SLC24A2: variants seen among roughly 807,000 people sequenced by gnomAD.
SLC24A2 encodes sodium/potassium/calcium exchanger 2.
Under a neutral mutation model 62.0 loss-of-function variants are expected in SLC24A2, and 36 were observed. The ratio of observed to expected loss-of-function variants is 0.58; its 90% confidence interval spans 0.44 to 0.77. The LOEUF is 0.77. Among genes scored for constraint, SLC24A2 ranks in the 30% least tolerant of loss-of-function variants. The pLI is 0.00. For missense variants in SLC24A2, 846 were observed against 817.9 expected, an observed-to-expected ratio of 1.03 and a Z score of -0.42; for synonymous variants, 358 against 294.0, an observed-to-expected ratio of 1.22 and a Z score of -2.23.
chr9:19,650,725 C>T (rs972810604), intron 2 of SLC24A2, among the ~76,000 whole-genome samples: 7 of 29,910 alleles, frequency 2.3e-4, no homozygotes, highest in Non-Finnish European at 4.1e-4. Context: ...GGCACGCGCA[C>T]ACACACACAC....
At chr9:20,263,733 G>A in the SLC24A2 span, among the ~76,000 whole-genome samples, 1 of 152,034 alleles carries the variant, frequency 6.6e-6, no homozygotes, top group Non-Finnish European at 1.5e-5. Context: ...CCTATAGTAT[G>A]TGTTCCTTTT....
At chr9:19,867,777 G>C in the SLC24A2 span, among the ~76,000 whole-genome samples, 1 of 152,086 alleles carries the variant, frequency 6.6e-6, no homozygotes, top group Non-Finnish European at 1.5e-5. Context: ...GCGTGGTGTT[G>C]CACGCCTGTA....
chr9:19,788,646 G>A, intron 1 of SLC24A2: 1 of 985,430 alleles, frequency 1.0e-6, no homozygotes, highest in Non-Finnish European at 1.2e-6. Flanking sequence ...CCCGACGGCA[G>A]GCCCTGCCCC....
the SLC24A2 span, among the ~76,000 whole-genome samples, chr9:20,012,353 G>A: frequency 2.6e-5 from 4 of 152,158 alleles, no homozygotes; most frequent in African/African-American, 7.2e-5. Flanking sequence ...ATCAGATCTC[G>A]TGAGTCTTAT....
At chr9:20,010,379 T>C in the SLC24A2 span, among the ~76,000 whole-genome samples, 7 of 152,182 alleles carry the variant, frequency 4.6e-5, no homozygotes, top group African/African-American at 1.4e-4. Flanking sequence ...AAGAAACTAA[T>C]AAAGCTCTGC....
intron 2 of SLC24A2, among the ~76,000 whole-genome samples, chr9:19,730,987 G>A (rs1381785440): frequency 6.6e-6 from 1 of 151,728 alleles, no homozygotes; most frequent in African/African-American, 2.4e-5. Context: ...AGTTCATTTT[G>A]CTTCATAGTC....
Position 19,786,128 on chromosome 9 carries a change from C to T in SLC24A2, c.739G>A (p.Val247Ile). 6.2e-7 allele frequency: 1 copy of T among 1,614,196 alleles called. No homozygotes were observed. The highest frequency in any genetic ancestry group is 8.5e-7 in the Non-Finnish European group (1 of 1,180,022). Residue 247 changes from valine to isoleucine, a missense_variant, in exon 2 of 11, where the codon GTT (valine) becomes ATT (isoleucine). Val to Ile is a conservative substitution (Grantham distance 29). Coordinates refer to ENST00000341998, the MANE Select transcript of SLC24A2 (RefSeq NM_020344.4). The surrounding 1 kb of genome is among the most constrained non-coding windows in gnomAD (Gnocchi z 5.0). ...AATATGATCAGCATGATCAAGTCAA[C>T]AATGTAGAAAGACACATCTCGAAAG... ...PLFRDVSFYI[V>I]DLIMLIIFFL...
chr9:19,810,678 A>G, the SLC24A2 span, among the ~76,000 whole-genome samples: 1 of 152,268 alleles, frequency 6.6e-6, no homozygotes, highest in Non-Finnish European at 1.5e-5. Flanking sequence ...AAGGAAAACC[A>G]TAATAAAATC....
At chr9:19,584,290 A>AC (rs1464729792) in intron 5 of SLC24A2, among the ~76,000 whole-genome samples, 1,404 of 135,458 alleles carry the variant, frequency 0.01, 18 homozygotes, top group African/African-American at 0.034. Context: ...AAAAAAAAAA[A>AC]AAACAAACAA....
chr9:20,072,288 G>A, the SLC24A2 span, among the ~76,000 whole-genome samples: 6 of 152,068 alleles, frequency 3.9e-5, no homozygotes, highest in Non-Finnish European at 7.3e-5. Context: ...AGAGTATGGG[G>A]CAGGACCCTC....
chr9:19,554,609 G>C (rs926414027), intron 7 of SLC24A2, among the ~76,000 whole-genome samples: 1 of 152,198 alleles, frequency 6.6e-6, no homozygotes, highest in Non-Finnish European at 1.5e-5. Context: ...TCTCGGCAAG[G>C]TGTGGCAATG....
chr9:20,261,535 T>G, the SLC24A2 span, among the ~76,000 whole-genome samples: 1 of 152,128 alleles, frequency 6.6e-6, no homozygotes, highest in African/African-American at 2.4e-5. Context: ...GCCGCCCTCA[T>G]GACCCAATCA....
At chr9:20,003,950 T>G in the SLC24A2 span, among the ~76,000 whole-genome samples, 1 of 151,566 alleles carries the variant, frequency 6.6e-6, no homozygotes, top group Non-Finnish European at 1.5e-5. Context: ...ACTGCATATA[T>G]GTATATGTCT....
the SLC24A2 span, among the ~76,000 whole-genome samples, chr9:19,977,946 T>C: frequency 6.6e-6 from 1 of 152,082 alleles, no homozygotes; most frequent in Non-Finnish European, 1.5e-5. Context: ...ATAGTCAGGG[T>C]GGACAGATAA....
chr9:19,963,784 G>T, the SLC24A2 span, among the ~76,000 whole-genome samples: 7 of 152,118 alleles, frequency 4.6e-5, no homozygotes. Context: ...CTGTAAACTA[G>T]TTCAACCATT....
chr9:20,094,378 C>T, the SLC24A2 span, among the ~76,000 whole-genome samples: 3 of 152,148 alleles, frequency 2.0e-5, no homozygotes, highest in South Asian at 4.1e-4. Flanking sequence ...TTTAAATGAA[C>T]TAAATGAGCC....
chr9:20,184,887 T>C, the SLC24A2 span, among the ~76,000 whole-genome samples: 17 of 152,114 alleles, frequency 1.1e-4, no homozygotes, highest in Admixed American at 9.8e-4. Flanking sequence ...TTAAAAAAAA[T>C]GTGGCATATA....
the SLC24A2 span, among the ~76,000 whole-genome samples, chr9:20,147,085 A>G: frequency 2.0e-5 from 3 of 152,170 alleles, no homozygotes; most frequent in Non-Finnish European, 4.4e-5. Context: ...ATTCTTGTCA[A>G]AAAGTTGTCC....
At chr9:20,069,656 T>A in the SLC24A2 span, among the ~76,000 whole-genome samples, 1 of 152,254 alleles carries the variant, frequency 6.6e-6, no homozygotes, top group Non-Finnish European at 1.5e-5. Context: ...GTCACCTATG[T>A]ATACATCTGT....
Sources: gnomAD v4.1 joint callset for allele counts (sites outside exome capture counted in the v4.1 genomes callset) on GRCh38, gnomAD v4.1.1 for gene constraint, Gnocchi (gnomAD v3.1) non-coding constraint, MANE v1.5 for transcripts, NCBI Gene and HGNC (gene_info 2026-07-23, HGNC 2026-07-21) for gene names.